NOTCH3: variants seen among roughly 807,000 people sequenced by gnomAD.
The protein encoded by NOTCH3 is neurogenic locus notch homolog protein 3.
Under a neutral mutation model 213.3 loss-of-function variants are expected in NOTCH3, and 86 were observed. The observed-to-expected ratio is 0.40, with a 90% CI of 0.34 to 0.48. The LOEUF (loss-of-function observed/expected upper bound fraction) is 0.48, where lower values mean the gene tolerates loss of function less well. NOTCH3 is among the 20% of genes least tolerant of loss of function. NOTCH3 has a pLI of 0.57. For synonymous variants in NOTCH3, 1,354 were observed against 1,355.9 expected (o/e 1.00, Z 0.03); for missense variants, 2,783 against 3,272.6 (o/e 0.85, Z 3.65).
At position 15,180,130 on chromosome 19, in the gene NOTCH3, G is replaced by T; in HGVS notation, c.3269C>A (p.Ala1090Asp). ...HCEQEVDPCL[A>D]QPCQHGGTCR... ...GGTCCCCCCATGCTGGCAGGGCTGG[G>T]CCAAGCAGGGGTCCACCTCCTGCTC... Residue 1090 changes from alanine (A) to aspartate (D), a missense_variant, in exon 20 of 33, where the codon GCC becomes GAC. Ala to Asp is a moderately radical substitution (Grantham distance 126). Coordinates refer to ENST00000263388, the MANE Select transcript of NOTCH3 (RefSeq NM_000435.3). 6.2e-7 allele frequency: 1 copy of T among 1,613,050 alleles called. No individual in the cohort carries two copies. The highest frequency in any genetic ancestry group is 1.1e-5 in the South Asian group (1 of 91,030).
At chr19:15,169,186 G>C (rs924692446) in intron 28 of NOTCH3, among the ~76,000 whole-genome samples, 6 of 146,744 alleles carry the variant, frequency 4.1e-5, no homozygotes, top group East Asian at 2.0e-4. Flanking sequence ...TGTCAAATCT[G>C]TCTCTCTCTC....
At chr19:15,177,381 T>TG in intron 24 of NOTCH3, 144 bp downstream of exon 24, 1 of 755,364 alleles carries the variant, frequency 1.3e-6, no homozygotes, top group Admixed American at 2.0e-5. Context: ...GACAGACACG[T>TG]GGGACACACC....
At chr19:15,175,590 T>TATAC (rs150169616) in intron 24 of NOTCH3, among the ~76,000 whole-genome samples, 59,670 of 106,438 alleles carry the variant, frequency 0.56, 18,021 homozygotes, top group Non-Finnish European at 0.71. Flanking sequence ...TATATGTATA[T>TATAC]ACACACACAC....
chr19:15,195,135 T>A (rs752961835), intron 2 of NOTCH3, among the ~76,000 whole-genome samples: 4 of 151,908 alleles, frequency 2.6e-5, no homozygotes, highest in Non-Finnish European at 5.9e-5. Flanking sequence ...CACGCGGAAA[T>A]GAGCAACTCT....
In NOTCH3 at chr19:15,177,392, G is replaced by A. The variant is rs866872917; in HGVS notation, c.4403+133C>T. 4 of 794,340 alleles carry A rather than the reference G, an allele frequency of 5.0e-6. No homozygotes were observed. The Middle Eastern group carries it at 9.8e-4, about 194-fold the overall frequency. 49.2% of individuals were successfully genotyped at this position (794,340 alleles called of 1,614,324 possible). A position where few individuals can be genotyped will look rare whatever the true frequency, so the allele number is the denominator to read the frequency against. ...CACGGACAGACACGTGGGACACACCGATGGGCAGATAGAGTGCACAGAGAA... is the reference window on the plus strand; with the variant it reads ...CACGGACAGACACGTGGGACACACCAATGGGCAGATAGAGTGCACAGAGAA... On this transcript the variant is annotated intron_variant, in intron 24 of 32. Coordinates refer to ENST00000263388, the MANE Select transcript of NOTCH3 (RefSeq NM_000435.3).
intron 22 of NOTCH3, 33 bp downstream of exon 22, chr19:15,178,992 G>A (rs2046815794): frequency 6.2e-7 from 1 of 1,614,072 alleles, no homozygotes. Context: ...ATGACAGGCG[G>A]GGTCCCAGGC....
intron 25 of NOTCH3, 38 bp from the exon 26 acceptor site, chr19:15,170,863 A>G: frequency 6.2e-7 from 1 of 1,608,386 alleles, no homozygotes; most frequent in Non-Finnish European, 8.5e-7. Context: ...GGGCTCAAAA[A>G]TTGCCCGATG....
intron 25 of NOTCH3, among the ~76,000 whole-genome samples, chr19:15,171,199 T>C (rs962530451): frequency 7.2e-5 from 11 of 152,272 alleles, no homozygotes; most frequent in South Asian, 2.1e-4. Context: ...CTAATTTTTT[T>C]GTATTTTTAG....
At chr19:15,177,174 G>T (rs1387777520) in intron 24 of NOTCH3, among the ~76,000 whole-genome samples, 1 of 151,368 alleles carries the variant, frequency 6.6e-6, no homozygotes, top group Admixed American at 6.6e-5. Flanking sequence ...GCTTAAACCC[G>T]GGAGGCAGAG....
At chr19:15,172,557 A>G (rs745781626) in intron 25 of NOTCH3, among the ~76,000 whole-genome samples, 2 of 151,676 alleles carry the variant, frequency 1.3e-5, no homozygotes, top group South Asian at 2.1e-4. Flanking sequence ...TCCTCTCTGT[A>G]TCAGAGACCC....
Position 15,169,186 on chromosome 19 carries a change from G to GTCTCTCTCTC in NOTCH3, c.5199+890_5199+899dup, listed in dbSNP as rs56916343. Among the ~76,000 whole-genome samples, 312 of 146,722 alleles carry GTCTCTCTCTC rather than the reference G, an allele frequency of 2.1e-3. 1 individual carries two copies. The highest frequency in any genetic ancestry group is 6.8e-3 in the South Asian group (31 of 4,592). On this transcript the variant is annotated intron_variant, in intron 28 of 32. Coordinates refer to ENST00000263388, the MANE Select transcript of NOTCH3 (RefSeq NM_000435.3). ...AAGAAGAGGATGGGATGTCAAATCT[G>GTCTCTCTCTC]TCTCTCTCTCTCTCTCTCTCTCTCT... is the stretch of plus-strand genomic sequence containing the variant.
intron 28 of NOTCH3, 100 bp from the exon 29 acceptor site, chr19:15,167,511 G>A (rs1446262927): frequency 9.4e-7 from 1 of 1,069,310 alleles, no homozygotes; most frequent in Non-Finnish European, 1.4e-6. Flanking sequence ...TTTCTCTTTA[G>A]GAGATACACA....
At chr19:15,183,181 G>C (rs1262263199) in intron 16 of NOTCH3, among the ~76,000 whole-genome samples, 1 of 152,036 alleles carries the variant, frequency 6.6e-6, no homozygotes, top group Non-Finnish European at 1.5e-5. Flanking sequence ...CTCAGCCCAG[G>C]AGTTCGAGAC....
In NOTCH3 at chr19:15,189,013, G is replaced by A; in HGVS notation, c.1354C>T (p.Gln452Ter). ...NQATCLDRIG[Q>*]FTCICMAGFT... Reference sequence around the variant, plus strand: ...CCTGCCATACAGATACAGGTGAACTGGCCTATGCGGTCGAGGCACGTGGCC... The same window carrying A: ...CCTGCCATACAGATACAGGTGAACTAGCCTATGCGGTCGAGGCACGTGGCC... The change falls in exon 8 of 33, where the codon CAG becomes TAG. Residue 452 changes from glutamine (Q) to a stop codon, truncating the protein, a stop_gained. Transcript: ENST00000263388. LOFTEE classifies it high-confidence loss of function. 6.2e-7 allele frequency: 1 copy of A among 1,611,684 alleles called. No homozygotes were observed. The highest frequency in any genetic ancestry group is 8.5e-7 in the Non-Finnish European group (1 of 1,179,392).
At chr19:15,177,500 G>A (rs1324012700) in intron 24 of NOTCH3, 25 bp downstream of exon 24, 5 of 1,595,348 alleles carry the variant, frequency 3.1e-6, no homozygotes, top group Admixed American at 1.7e-5. Context: ...ATAGACAGAC[G>A]GATCGATCGG....
intron 24 of NOTCH3, among the ~76,000 whole-genome samples, chr19:15,176,899 T>C (rs904211540): frequency 3.4e-5 from 5 of 149,246 alleles, no homozygotes; most frequent in South Asian, 4.3e-4. Flanking sequence ...GGTGAAACCC[T>C]GTCTCTACTA....
intron 24 of NOTCH3, 108 bp from the exon 25 acceptor site, chr19:15,174,508 A>G: frequency 1.2e-6 from 1 of 801,408 alleles, no homozygotes; most frequent in Middle Eastern, 2.3e-4. Context: ...CAAGGCTTGC[A>G]CAGGGGACTG....
chr19:15,183,719 A>G (rs1162136677), intron 16 of NOTCH3, among the ~76,000 whole-genome samples: 1 of 152,004 alleles, frequency 6.6e-6, no homozygotes, highest in Admixed American at 6.6e-5. Flanking sequence ...CTTTTATCTC[A>G]TACTTTGCAC....
At chr19:15,196,304 T>C (rs1331159132) in intron 2 of NOTCH3, among the ~76,000 whole-genome samples, 1 of 152,024 alleles carries the variant, frequency 6.6e-6, no homozygotes, top group Non-Finnish European at 1.5e-5. Flanking sequence ...CCGCTCGCCC[T>C]CCCAGGTGTG....
Sources: gnomAD v4.1 joint callset for allele counts (sites outside exome capture counted in the v4.1 genomes callset) on GRCh38, gnomAD v4.1.1 for gene constraint, MANE v1.5 for transcripts, NCBI Gene and HGNC (gene_info 2026-07-23, HGNC 2026-07-21) for gene names.